PXDNL: variants seen among roughly 807,000 people sequenced by gnomAD.
PXDNL encodes probable oxidoreductase PXDNL.
Under a neutral mutation model 150.8 loss-of-function variants are expected in PXDNL, and 145 were observed. The ratio of observed to expected loss-of-function variants is 0.96; its 90% confidence interval spans 0.84 to 1.10. The LOEUF (loss-of-function observed/expected upper bound fraction) is 1.10, where lower values mean the gene tolerates loss of function less well. PXDNL is among the 50% of genes least tolerant of loss of function. The pLI, the probability that PXDNL is intolerant of heterozygous loss-of-function variation, is 0.00. For missense variants in PXDNL, 2,087 were observed against 1,873.9 expected, an observed-to-expected ratio of 1.11 and a Z score of -2.10; for synonymous variants, 757 against 725.7, an observed-to-expected ratio of 1.04 and a Z score of -0.69.
chr8:51,442,734 T>G (rs958916127), intron 12 of PXDNL, among the ~76,000 whole-genome samples: 1 of 152,160 alleles, frequency 6.6e-6, no homozygotes, highest in Non-Finnish European at 1.5e-5. Context: ...ATGTTTTTAA[T>G]GTGCTACTGG....
intron 1 of PXDNL, among the ~76,000 whole-genome samples, chr8:51,745,023 AAAG>A (rs2036968166): frequency 6.7e-6 from 1 of 149,294 alleles, no homozygotes; most frequent in Non-Finnish European, 1.5e-5. Context: ...AGGAAGAAAG[AAAG>A]AAATCAATTT....
chr8:51,716,377 C>A (rs1250900511), intron 1 of PXDNL, among the ~76,000 whole-genome samples: 1 of 152,200 alleles, frequency 6.6e-6, no homozygotes, highest in Non-Finnish European at 1.5e-5. Context: ...AAGTGCACAA[C>A]ACATAAATTC....
intron 1 of PXDNL, among the ~76,000 whole-genome samples, chr8:51,735,057 C>G (rs1485151662): frequency 6.6e-6 from 1 of 151,992 alleles, no homozygotes; most frequent in Non-Finnish European, 1.5e-5. Context: ...GTGTTCTCAT[C>G]ACAAAAAAGA....
intron 1 of PXDNL, among the ~76,000 whole-genome samples, chr8:51,704,106 T>G (rs1342963254): frequency 2.0e-5 from 3 of 152,216 alleles, no homozygotes; most frequent in South Asian, 4.1e-4. Flanking sequence ...CATGCTCCCA[T>G]AGAGATGCAA....
intron 2 of PXDNL, among the ~76,000 whole-genome samples, chr8:51,640,735 C>A (rs1216226064): frequency 2.0e-5 from 3 of 152,140 alleles, no homozygotes; most frequent in African/African-American, 7.2e-5. Flanking sequence ...ACATTCCATG[C>A]TCATGGGTAG....
intron 1 of PXDNL, among the ~76,000 whole-genome samples, chr8:51,678,212 C>T (rs1470659834): frequency 6.6e-6 from 1 of 152,158 alleles, no homozygotes; most frequent in South Asian, 2.1e-4. Context: ...TCTTCAAGAA[C>T]CAAACTTGAA....
At position 51,471,213 on chromosome 8, in the gene PXDNL, C is replaced by T. The variant is rs548099474; in HGVS notation, c.812+974G>A. Among the ~76,000 whole-genome samples, 9 of 151,166 alleles carry T rather than the reference C, an allele frequency of 6.0e-5. No homozygotes were observed. The South Asian group carries it at 1.3e-3, about 21-fold the overall frequency. On this transcript the variant is annotated intron_variant, in intron 8 of 22. Coordinates refer to ENST00000356297, the MANE Select transcript of PXDNL (RefSeq NM_144651.5). The stretch of plus-strand genomic sequence containing the variant: ...CACTTCTCAAAAGAAGACATTTATG[C>T]AGCCAACAAACATGAAAAAAAGCTC...
chr8:51,653,842 C>T (rs1201442075), intron 2 of PXDNL, among the ~76,000 whole-genome samples: 1 of 152,194 alleles, frequency 6.6e-6, no homozygotes, highest in Non-Finnish European at 1.5e-5. Flanking sequence ...CCACATGGGT[C>T]TAGCCTCACT....
At chr8:51,580,347 A>G (rs1813181366) in intron 3 of PXDNL, among the ~76,000 whole-genome samples, 1 of 152,162 alleles carries the variant, frequency 6.6e-6, no homozygotes, top group African/African-American at 2.4e-5. Context: ...TATTTCTTAC[A>G]GTGGCATGTG....
rs747046422 is a variant in PXDNL at position 51,408,291 on chromosome 8, C to T, written c.3333G>A (p.Trp1111Ter). 27 of 1,613,946 alleles carry T rather than the reference C, an allele frequency of 1.7e-5. No individual in the cohort carries two copies. Among genetic ancestry groups the T allele is most frequent in the Non-Finnish European group, 2.0e-5 (24 of 1,179,858 alleles). The stretch of plus-strand genomic sequence containing the variant: ...GACTGAGAAGGTAGGAGGGTGCCCG[C>T]CATTTAGCAGCCACGCCAAACAGCC... ...LRGLFGVAAK[W>*]RAPSYLLSPE... The change falls in exon 17 of 23, where the codon TGG (tryptophan) becomes TGA (stop). Residue 1111 changes from tryptophan to a stop codon, truncating the protein, a stop_gained. Transcript: ENST00000356297. LOFTEE classifies it high-confidence loss of function.
intron 1 of PXDNL, among the ~76,000 whole-genome samples, chr8:51,757,418 C>G (rs959260601): frequency 6.6e-6 from 1 of 152,208 alleles, no homozygotes; most frequent in East Asian, 1.9e-4. Context: ...GGACAGCGTT[C>G]CTTGTCTATC....
intron 11 of PXDNL, among the ~76,000 whole-genome samples, chr8:51,448,783 C>A (rs886263826): frequency 6.6e-6 from 1 of 151,962 alleles, no homozygotes; most frequent in Non-Finnish European, 1.5e-5. Flanking sequence ...AAACCGAGTC[C>A]CAGAGGGGAT....
chr8:51,634,790 G>A (rs1427476184), intron 2 of PXDNL, among the ~76,000 whole-genome samples: 2 of 152,104 alleles, frequency 1.3e-5, no homozygotes, highest in Non-Finnish European at 2.9e-5. Context: ...AACATTATTA[G>A]TGTATAGAAA....
intron 14 of PXDNL, among the ~76,000 whole-genome samples, chr8:51,419,152 G>C (rs969460529): frequency 6.6e-6 from 1 of 152,152 alleles, no homozygotes; most frequent in African/African-American, 2.4e-5. Flanking sequence ...CCAAAATGAG[G>C]TGCCACACAG....
intron 4 of PXDNL, among the ~76,000 whole-genome samples, chr8:51,540,905 T>A (rs1176256837): frequency 6.6e-6 from 1 of 152,168 alleles, no homozygotes; most frequent in Admixed American, 6.5e-5. Flanking sequence ...TTTGACTGGA[T>A]GATGGAAACT....
intron 3 of PXDNL, among the ~76,000 whole-genome samples, chr8:51,561,664 T>C (rs186198667): frequency 1.3e-5 from 2 of 152,048 alleles, no homozygotes; most frequent in Admixed American, 1.3e-4. Flanking sequence ...ATGAGGAAGA[T>C]AGAGTAGTAA....
chr8:51,520,053 G>A lies in PXDNL; in HGVS notation c.381-20283C>T, dbSNP rs1811627834. On this transcript the variant is annotated intron_variant, in intron 4 of 22. Transcript: ENST00000356297. ...GTCCAAGTGTGGACTGCGGTTGTGG[G>A]TATCTGCCGGCTTTTCCTCCAGGAA... Among the ~76,000 whole-genome samples the A allele has an allele frequency of 3.3e-5, 5 of 152,186 alleles. No individual in the cohort carries two copies. The South Asian group carries it at 1.0e-3, about 31-fold the overall frequency.
chr8:51,767,791 C>A (rs2037247958), intron 1 of PXDNL, among the ~76,000 whole-genome samples: 1 of 152,186 alleles, frequency 6.6e-6, no homozygotes, highest in Non-Finnish European at 1.5e-5. Context: ...TCTTGTTTGC[C>A]CTAACTTGTA....
At chr8:51,592,573 G>T in intron 3 of PXDNL, 54 bp downstream of exon 3, 1 of 1,200,516 alleles carries the variant, frequency 8.3e-7, no homozygotes, top group African/African-American at 1.5e-5. Context: ...CACAAAAAAG[G>T]CAAAAATAGT....
Sources: gnomAD v4.1 joint callset for allele counts (sites outside exome capture counted in the v4.1 genomes callset) on GRCh38, gnomAD v4.1.1 for gene constraint, MANE v1.5 for transcripts, NCBI Gene and HGNC (gene_info 2026-07-23, HGNC 2026-07-21) for gene names.